The following SOD2 variants were observed in gnomAD, a reference collection of about 807,000 sequenced individuals.
The protein encoded by SOD2 is superoxide dismutase 2, also known as superoxide dismutase [Mn], mitochondrial.
In SOD2, 11 loss-of-function variants were observed where a neutral mutation model predicts 27.0. The ratio of observed to expected loss-of-function variants is 0.41; its 90% CI spans 0.26 to 0.67. The LOEUF is 0.67. Ranked by LOEUF, SOD2 falls within the 30% of genes least tolerant of loss-of-function variation. SOD2 has a pLI of 0.34. For synonymous variants in SOD2, 105 were observed against 103.0 expected (o/e 1.02, Z -0.12); for missense variants, 250 against 274.5 (o/e 0.91, Z 0.63).
At chr6:159,761,689 C>T (rs1780129882) in exon 1 of SOD2, 2 of 387,608 alleles carry the variant, frequency 5.2e-6, no homozygotes, top group Non-Finnish European at 1.0e-5. Context: ...TTTCGAGAAA[C>T]CCTAAGATTT....
chr6:159,761,592 C>T (rs1173718568), exon 1 of SOD2: 2 of 455,380 alleles, frequency 4.4e-6, no homozygotes, highest in South Asian at 1.6e-5. Context: ...CGCCGCGGGC[C>T]GGGCTCGCAC....
At chr6:159,752,828 C>T (rs1371243009) in intron 1 of SOD2, among the ~76,000 whole-genome samples, 3 of 152,166 alleles carry the variant, frequency 2.0e-5, no homozygotes, top group African/African-American at 7.2e-5. Context: ...CAGCGTCAAC[C>T]ACTTGGGCTT....
At chr6:159,704,136 TAGGAG>T (rs905028025) in intron 1 of SOD2, among the ~76,000 whole-genome samples, 1 of 151,978 alleles carries the variant, frequency 6.6e-6, no homozygotes, top group African/African-American at 2.4e-5. Context: ...ATACAAAAAT[TAGGAG>T]AGGCGGATCC....
chr6:159,758,652 G>C lies in SOD2; in HGVS notation c.-336+2385C>G, dbSNP rs1458380915. 5.9e-5 allele frequency among the ~76,000 whole-genome samples: 9 copies of C among 152,128 alleles called. No individual in the cohort carries two copies. The East Asian group carries it at 1.7e-3, about 29-fold the overall frequency. ...CCCAGGTAATGTCATTAACTGATCTGGACCCATCATGGGGTGGCTGTGCTG... is the reference window on the plus strand; with the variant it reads ...CCCAGGTAATGTCATTAACTGATCTCGACCCATCATGGGGTGGCTGTGCTG... On this transcript the variant is annotated intron_variant, in intron 1 of 7. Coordinates refer to the SOD2 transcript ENST00000546087.
intron 1 of SOD2, among the ~76,000 whole-genome samples, chr6:159,703,183 G>A (rs1043518632): frequency 3.3e-5 from 5 of 152,004 alleles, no homozygotes; most frequent in Admixed American, 6.6e-5. Flanking sequence ...GCGTGGTGGC[G>A]CATGCCTGTA....
At chr6:159,730,959 G>C (rs899483801), upstream of SOD2, 1 of 151,670 alleles carries the variant, frequency 6.6e-6, no homozygotes, top group African/African-American at 2.4e-5. Context: ...GTGAAACGCT[G>C]TCTCTACTAG....
At chr6:159,692,517 A>C (rs896277940) in intron 2 of SOD2, 144 bp downstream of exon 2, 4 of 1,471,200 alleles carry the variant, frequency 2.7e-6, no homozygotes, top group Non-Finnish European at 3.6e-6. Flanking sequence ...TGTTTAAAAG[A>C]GAGACTATCG....
At chr6:159,761,753 A>G (rs1245359108) in exon 1 of SOD2, 3 of 328,962 alleles carry the variant, frequency 9.1e-6, no homozygotes, top group East Asian at 1.8e-4. Context: ...TGGGGTGTCC[A>G]GAAACACTGG....
intron 1 of SOD2, among the ~76,000 whole-genome samples, chr6:159,739,824 C>CTTTTTTTT (rs56389349): frequency 9.4e-5 from 8 of 85,190 alleles, no homozygotes; most frequent in Non-Finnish European, 1.5e-4. Flanking sequence ...CACTTTTTAC[C>CTTTTTTTT]TTTTTTTTTT....
intron 1 of SOD2, among the ~76,000 whole-genome samples, chr6:159,700,342 A>T (rs970465516): frequency 6.6e-6 from 1 of 152,140 alleles, no homozygotes; most frequent in African/African-American, 2.4e-5. Flanking sequence ...ATCTGAATTC[A>T]TTTACATGGT....
chr6:159,717,824 G>C (rs966772401), intron 1 of SOD2, among the ~76,000 whole-genome samples: 2 of 151,670 alleles, frequency 1.3e-5, no homozygotes, highest in Non-Finnish European at 2.9e-5. Context: ...TTCTCTTTCT[G>C]TGCTTGGCTT....
chr6:159,761,585 C>T (rs2273818), exon 1 of SOD2: 93,058 of 455,284 alleles, frequency 0.2, 10,244 homozygotes, highest in East Asian at 0.4. Flanking sequence ...TGAGACCCGC[C>T]GCGGGCCGGG....
At chr6:159,690,369 C>T (rs1360199246) in intron 2 of SOD2, among the ~76,000 whole-genome samples, 1 of 150,582 alleles carries the variant, frequency 6.6e-6, no homozygotes. Flanking sequence ...GGCCGAGGTG[C>T]GTGGATAGGG....
intron 1 of SOD2, among the ~76,000 whole-genome samples, chr6:159,720,154 C>T (rs899736294): frequency 2.6e-5 from 4 of 151,796 alleles, no homozygotes; most frequent in Non-Finnish European, 5.9e-5. Flanking sequence ...TCTCATCCTC[C>T]GGAGTAGCTG....
intron 2 of SOD2, among the ~76,000 whole-genome samples, chr6:159,690,678 A>T (rs561607431): frequency 6.6e-6 from 1 of 152,174 alleles, no homozygotes; most frequent in Non-Finnish European, 1.5e-5. Flanking sequence ...CTCTAAAAAT[A>T]GATGTAACTT....
chr6:159,724,896 GA>G (rs1562444196), intron 1 of SOD2, among the ~76,000 whole-genome samples: 1 of 145,134 alleles, frequency 6.9e-6, no homozygotes, highest in Non-Finnish European at 1.5e-5. Context: ...GGAAGGAAGG[GA>G]GGGGGGAAGA....
Position 159,669,968 on chromosome 6 carries a change from G to C in SOD2, c.*12525C>G, listed in dbSNP as rs910307322. On this transcript the variant is annotated 3_prime_UTR_variant, in exon 5 of 5. Transcript: ENST00000538183. ...TACATTCAAAGTTATCATCAATAGA[G>C]GTGCAGACTTTTTAAACAAATCTCT... is the stretch of plus-strand genomic sequence containing the variant. 6.6e-6 allele frequency: 1 copy of C among 152,152 alleles called. No homozygotes were observed. The highest frequency in any genetic ancestry group is 2.4e-5 in the African/African-American group (1 of 41,442). 9.4% of individuals were successfully genotyped at this position (152,152 alleles called of 1,614,324 possible). A position where few individuals can be genotyped will look rare whatever the true frequency, so the allele number is the denominator to read the frequency against.
rs1779741682 is a variant in SOD2, at chr6:159,674,884, G to T, written c.*7609C>A. On this transcript the variant is annotated 3_prime_UTR_variant, in exon 5 of 5. Coordinates refer to ENST00000538183, the MANE Select transcript of SOD2 (RefSeq NM_000636.4). The stretch of plus-strand genomic sequence containing the variant: ...GCCCAAAATCTCCTTAATTTGATAA[G>T]CAACTTCAGCAAAATCTCAGGATAC... The T allele has an allele frequency of 1.3e-5, 2 of 152,192 alleles. No individual in the cohort carries two copies. Among genetic ancestry groups the T allele is most frequent in the Admixed American group, 6.5e-5 (1 of 15,276 alleles). The allele number at this position is 152,192 out of a possible 1,614,324, so 9.4% of individuals were successfully genotyped here.
chr6:159,755,765 CTT>C, intron 1 of SOD2: 12,867 of 170,206 alleles, frequency 0.076, no homozygotes, highest in Middle Eastern at 0.092. Flanking sequence ...TTTTTCTTTT[CTT>C]TTTTTTTTTT....
Sources: allele counts gnomAD v4.1 joint callset (sites outside exome capture counted in the v4.1 genomes callset), GRCh38; gene constraint gnomAD v4.1.1; transcripts MANE v1.5; gene names NCBI Gene and HGNC (gene_info 2026-07-23, HGNC 2026-07-21).